The following SPTBN4 variants were observed in gnomAD, a reference collection of about 807,000 sequenced individuals.
The protein encoded by SPTBN4 is spectrin beta chain, non-erythrocytic 4.
A neutral mutation model predicts 277.8 loss-of-function variants in SPTBN4; 96 were observed. The ratio of observed to expected loss-of-function variants is 0.35; its 90% CI spans 0.29 to 0.41. The LOEUF (loss-of-function observed/expected upper bound fraction) is 0.41. SPTBN4 is among the 10% of genes least tolerant of loss of function. SPTBN4 has a pLI of 1.00. For synonymous variants in SPTBN4, 1,481 were observed against 1,580.3 expected, an observed-to-expected ratio of 0.94 and a Z score of 1.49; for missense variants, 3,006 against 3,595.7, an observed-to-expected ratio of 0.84 and a Z score of 4.19.
At chr19:40,555,489 C>CAA (rs56045928) in intron 24 of SPTBN4, among the ~76,000 whole-genome samples, 21 of 74,874 alleles carry the variant, frequency 2.8e-4, no homozygotes, top group African/African-American at 7.1e-4. Flanking sequence ...GACTCCGTCT[C>CAA]AAAAAAAAAA....
At chr19:40,564,166 C>T (rs941811851) in intron 27 of SPTBN4, among the ~76,000 whole-genome samples, 1 of 151,820 alleles carries the variant, frequency 6.6e-6, no homozygotes, top group African/African-American at 2.4e-5. Context: ...ACCAGCCTGA[C>T]AAACATGTTG....
chr19:40,513,047 G>T lies in SPTBN4; in HGVS notation c.2258G>T (p.Arg753Leu). The T allele has an allele frequency of 1.4e-6, 2 of 1,420,864 alleles. No individual in the cohort carries two copies. The highest frequency in any genetic ancestry group is 6.2e-5 in the East Asian group (2 of 32,200). 88.0% of individuals were successfully genotyped at this position (1,420,864 alleles called of 1,614,324 possible). Reference protein sequence around the residue: ...GLAERAASARRRWQRLEEAAA... With the variant: ...GLAERAASARLRWQRLEEAAA... Reference sequence around the variant, plus strand: ...GCGGAGCGCGCGGCGAGCGCCCGGCGCCGCTGGCAGAGGCTGGAAGAGGCG... The same window carrying T: ...GCGGAGCGCGCGGCGAGCGCCCGGCTCCGCTGGCAGAGGCTGGAAGAGGCG... The change falls in exon 14 of 36, where the codon CGC becomes CTC. Residue 753 changes from arginine to leucine, a missense_variant. By Grantham distance (102) the Arg-to-Leu change is moderately radical. This residue lies in a region of SPTBN4 where 1,759 missense variants were observed against 2,061.5 expected (regional missense o/e 0.85). Transcript: ENST00000598249.
intron 1 of SPTBN4, among the ~76,000 whole-genome samples, chr19:40,471,161 G>A (rs1390492787): frequency 1.3e-5 from 2 of 151,952 alleles, no homozygotes; most frequent in South Asian, 4.2e-4. Context: ...TGGCCAGGCC[G>A]GTCTTGAACT....
At chr19:40,543,630 ATTTTG>A (rs1208550442) in intron 20 of SPTBN4, among the ~76,000 whole-genome samples, 2 of 151,996 alleles carry the variant, frequency 1.3e-5, no homozygotes, top group Non-Finnish European at 2.9e-5. Context: ...TTTAATTGTT[ATTTTG>A]TTTTCTTCTC....
rs71173645 is a variant in SPTBN4, at chr19:40,531,464, G to GTT, written c.3949-1127_3949-1126dup. 4.7e-3 allele frequency among the ~76,000 whole-genome samples: 194 copies of GTT among 40,908 alleles called. 29 individuals carry two copies. Among genetic ancestry groups the GTT allele is most frequent in the East Asian group, 0.021 (15 of 712 alleles). 26.8% of individuals were successfully genotyped at this position (40,908 alleles called of 152,430 possible). A position where few individuals can be genotyped will look rare whatever the true frequency, so the allele number is the denominator to read the frequency against. On this transcript the variant is annotated intron_variant, in intron 18 of 35. Coordinates refer to ENST00000598249, the MANE Select transcript of SPTBN4 (RefSeq NM_020971.3). ...ACCGCGGAGCTGGAGTCCAGTGTTT[G>GTT]TTTTTTTTTTTTTTTTTTTTTTTTT... is the stretch of plus-strand genomic sequence containing the variant.
intron 2 of SPTBN4, among the ~76,000 whole-genome samples, chr19:40,481,891 A>G (rs112251996): frequency 0.028 from 4,237 of 150,916 alleles, 102 homozygotes; most frequent in African/African-American, 0.063. Flanking sequence ...ATTTTCATAC[A>G]TTTATTGGCC....
chr19:40,542,048 A>G (rs561296643), intron 20 of SPTBN4, among the ~76,000 whole-genome samples: 1 of 152,150 alleles, frequency 6.6e-6, no homozygotes, highest in African/African-American at 2.4e-5. Flanking sequence ...CAGCCTCCCA[A>G]GTAGTTGTGA....
chr19:40,540,254 TGA>T (rs2080784630), intron 20 of SPTBN4, among the ~76,000 whole-genome samples: 1 of 152,130 alleles, frequency 6.6e-6, no homozygotes, highest in Non-Finnish European at 1.5e-5. Flanking sequence ...GTCATAAAAC[TGA>T]GAGCATATCA....
rs2080407165 is a variant in SPTBN4 at position 40,512,847 on chromosome 19, C to T, written c.2058C>T (p.Gly686=). 1 of 1,456,154 alleles carries T rather than the reference C, an allele frequency of 6.9e-7. No individual in the cohort carries two copies. The allele number at this position is 1,456,154 out of a possible 1,614,324, so 90.2% of individuals were successfully genotyped here. A position where few individuals can be genotyped will look rare whatever the true frequency, so the allele number is the denominator to read the frequency against. Residue 686 remains glycine, a synonymous_variant, in exon 14 of 36, where the codon GGC becomes GGT. Coordinates refer to ENST00000598249, the MANE Select transcript of SPTBN4 (RefSeq NM_020971.3). ...CAGCGGGCGCAGCGGGAACAGCGGG[C>T]GGCGCGCATGACCTGTCCAGCACAG... ...AGAAGAAGTA[G]GAHDLSSTAR...
In SPTBN4 at chr19:40,494,997, A is replaced by C. The variant is rs1178379524; in HGVS notation, c.668+20A>C. The C allele has an allele frequency of 6.2e-7, 1 of 1,612,896 alleles. No individual in the cohort carries two copies. Among genetic ancestry groups the C allele is most frequent in the Non-Finnish European group, 8.5e-7 (1 of 1,178,880 alleles). On this transcript the variant is annotated intron_variant, in intron 6 of 35. Transcript: ENST00000598249. Reference sequence around the variant, plus strand: ...GCACAGGTACCACCTGGCCTGGGACAGCCCAGTCCTGCCCTTCAGCCCCCC... The same window carrying C: ...GCACAGGTACCACCTGGCCTGGGACCGCCCAGTCCTGCCCTTCAGCCCCCC...
At chr19:40,472,316 A>C (rs2079894272) in intron 1 of SPTBN4, among the ~76,000 whole-genome samples, 1 of 151,840 alleles carries the variant, frequency 6.6e-6, no homozygotes, top group Non-Finnish European at 1.5e-5. Context: ...AAGTGTTGGG[A>C]TTATAGGCCT....
Position 40,572,210 on chromosome 19 carries a change from C to T in SPTBN4, c.7493+18C>T, listed in dbSNP as rs375968915. ...AAGCTCCAGTGAGCCCCCCAATGGG[C>T]AGGAGGGAGGGATCCAAGGCTCAGC... On this transcript the variant is annotated intron_variant, in intron 34 of 35. Transcript: ENST00000598249. The T allele has an allele frequency of 1.3e-5, 21 of 1,593,566 alleles. No individual in the cohort carries two copies. The African/African-American group carries it at 2.1e-4, about 16-fold the overall frequency.
chr19:40,519,988 T>G lies in SPTBN4; in HGVS notation c.3491T>G (p.Leu1164Arg). The G allele has an allele frequency of 6.4e-7, 1 of 1,558,068 alleles. No individual in the cohort carries two copies. Among genetic ancestry groups the G allele is most frequent in the Non-Finnish European group, 8.6e-7 (1 of 1,157,624 alleles). The change falls in exon 16 of 36, where the codon CTG (leucine) becomes CGG (arginine). Residue 1164 changes from leucine to arginine, a missense_variant. By Grantham distance (102) the Leu-to-Arg change is moderately radical. Coordinates refer to ENST00000598249, the MANE Select transcript of SPTBN4 (RefSeq NM_020971.3). The surrounding 1 kb of genome is among the most constrained non-coding windows in gnomAD (Gnocchi z 5.7). Reference sequence around the variant, plus strand: ...CTGCTGGCCGCCGACGGCGCAGAGCTGGGCCCGGGCCTGGCACTAGACGAG... The same window carrying G: ...CTGCTGGCCGCCGACGGCGCAGAGCGGGGCCCGGGCCTGGCACTAGACGAG... Reference protein sequence around the residue: ...EALLAADGAELGPGLALDEWL... With the variant: ...EALLAADGAERGPGLALDEWL...
Position 40,503,990 on chromosome 19 carries a change from C to T in SPTBN4, c.1523C>T (p.Ala508Val), listed in dbSNP as rs528010158. The change falls in exon 12 of 36, where the codon GCC (alanine) becomes GTC (valine). Residue 508 changes from alanine to valine, a missense_variant. Ala to Val is a moderately conservative substitution (Grantham distance 64, BLOSUM62 0). Around this residue, in one of 5 missense-constraint regions of SPTBN4, gnomAD observed 1,759 missense variants for 2,061.5 expected, o/e 0.85. Transcript: ENST00000598249. ...TACTACGATATCCGGCGGGTGGCAGCCCAGCGTGACAGCGTCCTGCGCCAG... is the reference window on the plus strand; with the variant it reads ...TACTACGATATCCGGCGGGTGGCAGTCCAGCGTGACAGCGTCCTGCGCCAG... ...EGYYDIRRVA[A>V]QRDSVLRQWA... 6 of 1,613,938 alleles carry T rather than the reference C, an allele frequency of 3.7e-6. No homozygotes were observed. Among genetic ancestry groups the T allele is most frequent in the Middle Eastern group, 1.6e-4 (1 of 6,062 alleles).
At chr19:40,497,249 C>T (rs915679339) in intron 6 of SPTBN4, among the ~76,000 whole-genome samples, 6 of 152,158 alleles carry the variant, frequency 3.9e-5, no homozygotes, top group Middle Eastern at 3.2e-3. Context: ...GTGCACAGGC[C>T]GGCCCAGCAA....
In SPTBN4 at chr19:40,549,211, AGTG is replaced by A. The variant is rs2080889341; in HGVS notation, c.4385_4387del (p.Trp1462del). The stretch of plus-strand genomic sequence containing the variant: ...CAGTCCATGGAGTCGCAGGTGGAGG[AGTG>A]GTACCGCGAGGTGGGAGAGCTGCAG... On this transcript the variant is annotated inframe_deletion, in exon 21 of 36. Transcript: ENST00000598249. 1 of 1,547,006 alleles carries A rather than the reference AGTG, an allele frequency of 6.5e-7. No homozygotes were observed. The highest frequency in any genetic ancestry group is 8.7e-7 in the Non-Finnish European group (1 of 1,146,684).
At position 40,523,598 on chromosome 19, in the gene SPTBN4, C is replaced by T. The variant is rs777108509; in HGVS notation, c.3816C>T (p.Tyr1272=). The T allele has an allele frequency of 4.5e-5, 73 of 1,613,860 alleles. No individual in the cohort carries two copies. Among genetic ancestry groups the T allele is most frequent in the Non-Finnish European group, 5.4e-5 (64 of 1,179,928 alleles). The part of the protein sequence containing the change: ...AEGLLRQGNI[Y]GEQAQEAVTR... ...GCCTGCTGAGGCAGGGCAACATCTACGGGGAGCAGGCTCAGGAGGCTGTGA... is the reference window on the plus strand; with the variant it reads ...GCCTGCTGAGGCAGGGCAACATCTATGGGGAGCAGGCTCAGGAGGCTGTGA... The change falls in exon 17 of 36, where the codon TAC becomes TAT. Residue 1272 remains tyrosine (Y), a synonymous_variant. Transcript: ENST00000598249.
chr19:40,488,885 ACTC>A (rs1339306283), intron 3 of SPTBN4, among the ~76,000 whole-genome samples: 1 of 151,126 alleles, frequency 6.6e-6, no homozygotes, highest in Non-Finnish European at 1.5e-5. Context: ...CTGATCTAGA[ACTC>A]CTGGACTCAA....
intron 2 of SPTBN4, among the ~76,000 whole-genome samples, chr19:40,487,385 G>T (rs1327118184): frequency 6.9e-6 from 1 of 145,672 alleles, no homozygotes; most frequent in Non-Finnish European, 1.5e-5. Flanking sequence ...TTGCTCTGTC[G>T]CCCAGGCCGG....
Sources: allele counts gnomAD v4.1 joint callset (sites outside exome capture counted in the v4.1 genomes callset), GRCh38; gene constraint gnomAD v4.1.1; regional missense constraint gnomAD v4.1.1; non-coding constraint Gnocchi (gnomAD v3.1); transcripts MANE v1.5; gene names NCBI Gene and HGNC (gene_info 2026-07-23, HGNC 2026-07-21).